SYNPR: variants seen among roughly 807,000 people sequenced by gnomAD.
SYNPR encodes synaptoporin.
SYNPR carries 23 observed loss-of-function variants against 32.9 expected under a neutral mutation model. The observed-to-expected ratio is 0.70, with a 90% CI of 0.50 to 0.99. The LOEUF (loss-of-function observed/expected upper bound fraction) is 0.99, where lower values mean the gene tolerates loss of function less well. SYNPR is among the 50% of genes least tolerant of loss of function. SYNPR has a pLI of 0.00. For synonymous variants in SYNPR, 146 were observed against 135.9 expected, an observed-to-expected ratio of 1.07 and a Z score of -0.52; for missense variants, 318 against 349.3, an observed-to-expected ratio of 0.91 and a Z score of 0.71.
chr3:63,396,528 C>T (rs903249721), intron 2 of SYNPR, among the ~76,000 whole-genome samples: 7 of 152,118 alleles, frequency 4.6e-5, no homozygotes, highest in Non-Finnish European at 8.8e-5. Flanking sequence ...TCTTCAGCTG[C>T]CAGATTGACA....
At chr3:63,421,578 C>T (rs183689395) in intron 2 of SYNPR, among the ~76,000 whole-genome samples, 14 of 152,076 alleles carry the variant, frequency 9.2e-5, no homozygotes, top group Non-Finnish European at 4.4e-5. Flanking sequence ...CAGTTGTTGC[C>T]TTGTATATTC....
chr3:63,437,173 C>T (rs770226957), intron 2 of SYNPR, among the ~76,000 whole-genome samples: 6 of 152,136 alleles, frequency 3.9e-5, no homozygotes, highest in Non-Finnish European at 8.8e-5. Context: ...CCGTGCCTGG[C>T]CCGTTTTCTT....
upstream of SYNPR, among the ~76,000 whole-genome samples, chr3:63,224,080 G>C (rs2086112005): frequency 6.6e-6 from 1 of 152,186 alleles, no homozygotes; most frequent in Non-Finnish European, 1.5e-5. Flanking sequence ...GGAAAGAAAT[G>C]AGAATTTTCT....
At chr3:63,345,066 G>A (rs896144681) in intron 2 of SYNPR, among the ~76,000 whole-genome samples, 1 of 152,132 alleles carries the variant, frequency 6.6e-6, no homozygotes, top group Non-Finnish European at 1.5e-5. Flanking sequence ...GGGACAATTA[G>A]GCAAATTACA....
chr3:63,246,031 G>C (rs1575574740), intron 1 of SYNPR, among the ~76,000 whole-genome samples: 1 of 151,946 alleles, frequency 6.6e-6, no homozygotes, highest in East Asian at 1.9e-4. Flanking sequence ...GGAAAAAAGT[G>C]CTTTTTCTAC....
intron 2 of SYNPR, among the ~76,000 whole-genome samples, chr3:63,417,310 G>T (rs111756583): frequency 6.6e-6 from 1 of 152,256 alleles, no homozygotes; most frequent in African/African-American, 2.4e-5. Context: ...TCACACTGTT[G>T]CAAGAGGTGG....
chr3:63,264,776 G>A (rs1016768703), intron 2 of SYNPR, among the ~76,000 whole-genome samples: 5 of 152,136 alleles, frequency 3.3e-5, no homozygotes, highest in African/African-American at 7.2e-5. Flanking sequence ...CGTAGCGGAA[G>A]GCAAAGGAGA....
intron 2 of SYNPR, among the ~76,000 whole-genome samples, chr3:63,343,636 A>T (rs536142939): frequency 2.0e-5 from 3 of 152,292 alleles, no homozygotes; most frequent in South Asian, 2.1e-4. Flanking sequence ...CAACATTCAG[A>T]CTATCAAAAA....
At chr3:63,441,888 G>A (rs1700184877) in intron 2 of SYNPR, among the ~76,000 whole-genome samples, 1 of 152,118 alleles carries the variant, frequency 6.6e-6, no homozygotes. Flanking sequence ...CTTGCCCGTT[G>A]TTCATTTCTT....
chr3:63,386,848 C>G (rs1456884683), intron 2 of SYNPR, among the ~76,000 whole-genome samples: 2 of 152,178 alleles, frequency 1.3e-5, no homozygotes, highest in African/African-American at 4.8e-5. Flanking sequence ...CACGCTGCCT[C>G]CCTCAGCGGC....
At chr3:63,483,855 A>G (rs1701095554) in intron 3 of SYNPR, among the ~76,000 whole-genome samples, 1 of 152,230 alleles carries the variant, frequency 6.6e-6, no homozygotes, top group African/African-American at 2.4e-5. Context: ...TTTCTTCTAA[A>G]ATGTCACAAG....
chr3:63,567,408 T>C (rs1021647973), intron 4 of SYNPR, among the ~76,000 whole-genome samples: 1 of 152,186 alleles, frequency 6.6e-6, no homozygotes, highest in Non-Finnish European at 1.5e-5. Flanking sequence ...CAGACTTTCA[T>C]CCTCCTATCA....
intron 2 of SYNPR, among the ~76,000 whole-genome samples, chr3:63,412,741 T>C (rs2088483665): frequency 6.6e-6 from 1 of 152,120 alleles, no homozygotes; most frequent in African/African-American, 2.4e-5. Context: ...AACTGAGCAG[T>C]ATTAAAAGAT....
intron 2 of SYNPR, among the ~76,000 whole-genome samples, chr3:63,407,515 T>A (rs527669229): frequency 2.6e-5 from 4 of 152,348 alleles, no homozygotes; most frequent in African/African-American, 9.6e-5. Context: ...TATTGTAAGA[T>A]ATTCCATTTA....
At chr3:63,395,793 G>A (rs923570077) in intron 2 of SYNPR, among the ~76,000 whole-genome samples, 3 of 152,004 alleles carry the variant, frequency 2.0e-5, no homozygotes, top group African/African-American at 7.3e-5. Flanking sequence ...TATCTGCATT[G>A]AGGATCATAC....
chr3:63,360,413 G>A (rs549499579), intron 2 of SYNPR, among the ~76,000 whole-genome samples: 1 of 152,228 alleles, frequency 6.6e-6, no homozygotes, highest in East Asian at 1.9e-4. Flanking sequence ...CATTGTTCCT[G>A]TCTCAAAGCT....
chr3:63,207,790 A>G, the SYNPR span, among the ~76,000 whole-genome samples: 1 of 152,186 alleles, frequency 6.6e-6, no homozygotes, highest in Non-Finnish European at 1.5e-5. Flanking sequence ...TTTAAAAAAA[A>G]TGAAAGAAAA....
rs1702088637 is a variant in SYNPR at position 63,530,295 on chromosome 3, G to A, written c.210-26248G>A. Among the ~76,000 whole-genome samples the A allele has an allele frequency of 2.0e-5, 3 of 152,186 alleles. No homozygotes were observed. The South Asian group carries it at 6.2e-4, about 32-fold the overall frequency. On this transcript the variant is annotated intron_variant, in intron 3 of 5. Coordinates refer to ENST00000478300, the MANE Select transcript of SYNPR (RefSeq NM_001130003.2). ...GTGAGGGGGCACACCTAACCTGGCA[G>A]TCATGGCCGGCTGTGTTAGCCAGGG...
chr3:63,413,336 A>C (rs1463623244), intron 2 of SYNPR, among the ~76,000 whole-genome samples: 8 of 152,144 alleles, frequency 5.3e-5, no homozygotes, highest in Non-Finnish European at 2.9e-5. Context: ...CCTTTTTGCC[A>C]CAGTTTGCTA....
Sources: allele counts gnomAD v4.1 joint callset (sites outside exome capture counted in the v4.1 genomes callset), GRCh38; gene constraint gnomAD v4.1.1; transcripts MANE v1.5; gene names NCBI Gene and HGNC (gene_info 2026-07-23, HGNC 2026-07-21).